The following UNC80 variants were observed in gnomAD, a reference collection of about 807,000 sequenced individuals.
The protein encoded by UNC80 is protein unc-80 homolog.
In UNC80, 164 loss-of-function variants were observed where a neutral mutation model predicts 384.6. The observed-to-expected ratio is 0.43, with a 90% CI of 0.38 to 0.49. The LOEUF (loss-of-function observed/expected upper bound fraction) is 0.49, where lower values mean the gene tolerates loss of function less well. UNC80 is among the 20% of genes least tolerant of loss of function. UNC80 has a pLI of 0.00. For missense variants in UNC80, 3,330 were observed against 4,143.0 expected (o/e 0.80, Z 5.39); for synonymous variants, 1,486 against 1,527.8 (o/e 0.97, Z 0.64).
rs1293045671 is a variant in UNC80 at position 209,866,525 on chromosome 2, CACACACACAG to C, written c.3628-6231_3628-6222del. ...ACACACACACACACACACACACACA[CACACACACAG>C]AGAGAGAGAGAGAGAGAGAGAGAGA... On this transcript the variant is annotated intron_variant, in intron 22 of 64. Coordinates refer to ENST00000673920, the MANE Select transcript of UNC80 (RefSeq NM_001371986.1). Among the ~76,000 whole-genome samples the C allele has an allele frequency of 9.1e-5, 10 of 110,210 alleles. No individual in the cohort carries two copies. In the East Asian group the frequency reaches 2.6e-3, roughly 29 times the overall value. 72.3% of individuals were successfully genotyped at this position (110,210 alleles called of 152,430 possible).
intron 20 of UNC80, among the ~76,000 whole-genome samples, chr2:209,841,827 C>A (rs536293088): frequency 6.6e-6 from 1 of 152,082 alleles, no homozygotes; most frequent in African/African-American, 2.4e-5. Context: ...CCTTGCTGTG[C>A]GAAAAATTTT....
At position 209,913,809 on chromosome 2, in the gene UNC80, G is replaced by C; in HGVS notation, c.4898G>C (p.Ser1633Thr). Reference sequence around the variant, plus strand: ...ATTTCCATCTTTTCCCAGGTGATGAGCTTGTCGCCTGCTCCCTTATCTCTG... The same window carrying C: ...ATTTCCATCTTTTCCCAGGTGATGACCTTGTCGCCTGCTCCCTTATCTCTG... ...MLKYIRLQVMSLSPAPLSLLI... is the reference protein window; with the variant it reads ...MLKYIRLQVMTLSPAPLSLLI... Residue 1633 changes from serine (S) to threonine (T), a missense_variant, in exon 31 of 65, where the codon AGC becomes ACC. Physicochemically the swap from Ser to Thr is moderately conservative, Grantham distance 58. Coordinates refer to ENST00000673920, the MANE Select transcript of UNC80 (RefSeq NM_001371986.1). The C allele has an allele frequency of 6.5e-7, 1 of 1,546,502 alleles. No homozygotes were observed. Among genetic ancestry groups the C allele is most frequent in the Non-Finnish European group, 8.7e-7 (1 of 1,143,014 alleles).
chr2:209,864,274 C>T lies in UNC80; in HGVS notation c.3628-8484C>T, dbSNP rs1425091511. On this transcript the variant is annotated intron_variant, in intron 22 of 64. Transcript: ENST00000673920. ...GCACCAACCTGAATGCCAGTAGGATCACCCCTTTATAGGGTGTCTGACAAC... is the reference window on the plus strand; with the variant it reads ...GCACCAACCTGAATGCCAGTAGGATTACCCCTTTATAGGGTGTCTGACAAC... Among the ~76,000 whole-genome samples the T allele has an allele frequency of 3.3e-5, 5 of 152,046 alleles. No individual in the cohort carries two copies. In the South Asian group the frequency reaches 6.2e-4, roughly 19 times the overall value.
intron 7 of UNC80, among the ~76,000 whole-genome samples, chr2:209,804,481 T>C (rs1048765704): frequency 1.3e-5 from 2 of 152,168 alleles, no homozygotes; most frequent in African/African-American, 2.4e-5. Context: ...ATAGCCTCTT[T>C]TTTCCTCTTG....
intron 55 of UNC80, among the ~76,000 whole-genome samples, chr2:209,972,773 A>C (rs965950410): frequency 6.6e-6 from 1 of 152,238 alleles, no homozygotes; most frequent in Non-Finnish European, 1.5e-5. Context: ...TTTGTCTCAA[A>C]TGTAAGTACA....
intron 7 of UNC80, among the ~76,000 whole-genome samples, chr2:209,803,244 A>C (rs2078673666): frequency 6.6e-6 from 1 of 152,206 alleles, no homozygotes; most frequent in Non-Finnish European, 1.5e-5. Context: ...ATCAGATGGG[A>C]ATCAAGGGCG....
intron 21 of UNC80, among the ~76,000 whole-genome samples, chr2:209,844,451 T>TTTTCTTTC (rs368627996): frequency 1.3e-3 from 76 of 58,214 alleles, no homozygotes; most frequent in East Asian, 3.4e-3. Flanking sequence ...TGCTCTTTTC[T>TTTTCTTTC]TTTCTTTCTT....
intron 8 of UNC80, 121 bp downstream of exon 8, chr2:209,813,962 C>A: frequency 7.9e-7 from 1 of 1,269,232 alleles, no homozygotes; most frequent in Non-Finnish European, 1.1e-6. Context: ...GTGGGTTACA[C>A]TGTTTCTATT....
chr2:209,992,614 T>C (rs953820869), intron 62 of UNC80, among the ~76,000 whole-genome samples: 4 of 152,220 alleles, frequency 2.6e-5, no homozygotes, highest in Non-Finnish European at 5.9e-5. Context: ...TTAGCAAAGC[T>C]GATTATGTGG....
chr2:209,904,000 T>C (rs1000803737), intron 28 of UNC80, among the ~76,000 whole-genome samples: 1 of 152,126 alleles, frequency 6.6e-6, no homozygotes, highest in Admixed American at 6.5e-5. Context: ...TTGACTGACC[T>C]TGTGGCTCTG....
intron 31 of UNC80, among the ~76,000 whole-genome samples, chr2:209,915,989 C>T (rs903691806): frequency 6.6e-6 from 1 of 152,116 alleles, no homozygotes; most frequent in African/African-American, 2.4e-5. Flanking sequence ...ACATGTACTC[C>T]ATGTGTACAA....
intron 42 of UNC80, among the ~76,000 whole-genome samples, chr2:209,938,857 G>A (rs2091435478): frequency 1.3e-5 from 2 of 152,066 alleles, no homozygotes; most frequent in African/African-American, 4.8e-5. Context: ...ATTATAACAT[G>A]GAGGCCTATG....
intron 47 of UNC80, among the ~76,000 whole-genome samples, chr2:209,950,589 G>A (rs6435547): frequency 0.11 from 14,929 of 130,204 alleles, 1,854 homozygotes; most frequent in African/African-American, 0.32. Flanking sequence ...CGGAGTTTTC[G>A]TTCTTGTTGC....
intron 36 of UNC80, 42 bp from the exon 37 acceptor site, chr2:209,929,829 C>G: frequency 7.2e-7 from 1 of 1,388,602 alleles, no homozygotes. Flanking sequence ...ATAGACTTAA[C>G]TCCATTAAAG....
intron 51 of UNC80, among the ~76,000 whole-genome samples, chr2:209,962,079 C>T (rs2092608226): frequency 6.6e-6 from 1 of 152,132 alleles, no homozygotes; most frequent in Non-Finnish European, 1.5e-5. Context: ...GCATTCCTTC[C>T]TTCTGGGAAT....
rs2080562559 is a variant in UNC80 at position 209,826,871 on chromosome 2, G to GTT, written c.2478+821_2478+822dup. Among the ~76,000 whole-genome samples, 6 of 152,198 alleles carry GTT rather than the reference G, an allele frequency of 3.9e-5. No individual in the cohort carries two copies. In the South Asian group the frequency reaches 1.2e-3, roughly 32 times the overall value. On this transcript the variant is annotated intron_variant, in intron 14 of 64. Coordinates refer to ENST00000673920, the MANE Select transcript of UNC80 (RefSeq NM_001371986.1). ...AAATCCTTTGGCATATCTTGACAGA[G>GTT]TTTTAGGGTCATGTCAAAATCTAAT...
chr2:209,915,542 G>T (rs2089447428), intron 31 of UNC80, among the ~76,000 whole-genome samples: 1 of 152,040 alleles, frequency 6.6e-6, no homozygotes, highest in African/African-American at 2.4e-5. Context: ...TATTAGAAAG[G>T]TGAGTGGGAC....
chr2:209,813,869 C>T, intron 8 of UNC80, 28 bp downstream of exon 8: 1 of 1,543,936 alleles, frequency 6.5e-7, no homozygotes, highest in African/African-American at 1.4e-5. Context: ...CATTGTCATT[C>T]AAACCAGCAA....
At chr2:209,786,630 C>T (rs529296045) in intron 5 of UNC80, among the ~76,000 whole-genome samples, 1 of 152,080 alleles carries the variant, frequency 6.6e-6, no homozygotes, top group Non-Finnish European at 1.5e-5. Flanking sequence ...GTTATCAAAG[C>T]ATTTCTCTTC....
Sources: allele counts gnomAD v4.1 joint callset (sites outside exome capture counted in the v4.1 genomes callset), GRCh38; gene constraint gnomAD v4.1.1; transcripts MANE v1.5; gene names NCBI Gene and HGNC (gene_info 2026-07-23, HGNC 2026-07-21).